The following LRRK1 variants were observed in gnomAD, a reference collection of about 807,000 sequenced individuals.
LRRK1 encodes the protein leucine-rich repeat serine/threonine-protein kinase 1.
In LRRK1, 113 loss-of-function variants were observed where a neutral mutation model predicts 209.1. That is an observed-to-expected ratio of 0.54 (90% CI 0.46 to 0.63). The LOEUF is 0.63. Ranked by LOEUF, LRRK1 falls within the 30% of genes least tolerant of loss-of-function variation. The pLI is 0.00. For missense variants in LRRK1, 2,284 were observed against 2,632.2 expected (o/e 0.87, Z 2.89); for synonymous variants, 1,144 against 1,099.7 (o/e 1.04, Z -0.80).
intron 12 of LRRK1, 93 bp downstream of exon 12, chr15:101,015,495 G>C: frequency 1.1e-6 from 1 of 932,560 alleles, no homozygotes; most frequent in Non-Finnish European, 1.7e-6. Context: ...CTTATCTTGG[G>C]CCTTCCCCTT....
chr15:100,940,688 A>ATTC (rs1466468269), intron 2 of LRRK1, among the ~76,000 whole-genome samples: 2 of 152,198 alleles, frequency 1.3e-5, no homozygotes, highest in African/African-American at 4.8e-5. Flanking sequence ...CTCTGCTAAC[A>ATTC]TTAATTCTGT....
chr15:101,051,920 G>A lies in LRRK1; in HGVS notation c.3649G>A (p.Glu1217Lys). 6.2e-7 allele frequency: 1 copy of A among 1,613,964 alleles called. No individual in the cohort carries two copies. Among genetic ancestry groups the A allele is most frequent in the Non-Finnish European group, 8.5e-7 (1 of 1,180,026 alleles). Residue 1217 changes from glutamate (E) to lysine (K), a missense_variant, in exon 24 of 34, where the codon GAG (glutamate) becomes AAG (lysine). Physicochemically the swap from Glu to Lys is moderately conservative, Grantham distance 56 (BLOSUM62 1). Coordinates refer to ENST00000388948, the MANE Select transcript of LRRK1 (RefSeq NM_024652.6). ...RHPDLPVPLQ[E>K]LVPELFMTDF... ...CCCGGACCTCCCCGTGCCGCTGCAG[G>A]AGCTGGTCCCTGAACTGTTCATGAC...
chr15:101,061,735 G>A lies in LRRK1; in HGVS notation c.4797+447G>A, dbSNP rs569374717. 2.6e-5 allele frequency among the ~76,000 whole-genome samples: 4 copies of A among 152,318 alleles called. No homozygotes were observed. The South Asian group carries it at 6.2e-4, about 24-fold the overall frequency. On this transcript the variant is annotated intron_variant, in intron 30 of 33. Transcript: ENST00000388948. ...ACACAAATGTTCTGAGGCAGGCTAGGCACAGGGGCTCACGCCTGTAATCCC... is the reference window on the plus strand; with the variant it reads ...ACACAAATGTTCTGAGGCAGGCTAGACACAGGGGCTCACGCCTGTAATCCC...
At chr15:101,058,448 G>A (rs1305571503) in intron 29 of LRRK1, among the ~76,000 whole-genome samples, 5 of 152,216 alleles carry the variant, frequency 3.3e-5, no homozygotes, top group Non-Finnish European at 5.9e-5. Flanking sequence ...TGAGGCAGGA[G>A]AATCACCTGA....
intron 20 of LRRK1, 95 bp from the exon 21 acceptor site, chr15:101,045,886 A>AC: frequency 9.4e-7 from 1 of 1,067,092 alleles, no homozygotes. Flanking sequence ...GTGTTCCAGC[A>AC]CAGCCTGTCC....
intron 27 of LRRK1, among the ~76,000 whole-genome samples, chr15:101,056,623 G>GTGGA (rs199750684): frequency 4.6e-5 from 7 of 152,138 alleles, no homozygotes; most frequent in Admixed American, 3.3e-4. Context: ...GGATGGATGG[G>GTGGA]TGGATGGATG....
chr15:100,937,899 G>T, intron 2 of LRRK1, among the ~76,000 whole-genome samples: 1 of 152,058 alleles, frequency 6.6e-6, no homozygotes, highest in East Asian at 1.9e-4. Flanking sequence ...CACCCAAGCA[G>T]GAGTGCAGTG....
intron 2 of LRRK1, among the ~76,000 whole-genome samples, chr15:100,934,309 G>A (rs2042256317): frequency 6.6e-6 from 1 of 152,148 alleles, no homozygotes; most frequent in Non-Finnish European, 1.5e-5. Context: ...TCTTTTTAAT[G>A]ACCTCTGCAT....
intron 2 of LRRK1, among the ~76,000 whole-genome samples, chr15:100,956,529 G>C (rs368064473): frequency 1.4e-5 from 2 of 140,786 alleles, no homozygotes; most frequent in African/African-American, 5.3e-5. Flanking sequence ...GCAGTGGCAC[G>C]ATCTTGGCTC....
At chr15:100,936,439 A>G (rs2042301003) in intron 2 of LRRK1, among the ~76,000 whole-genome samples, 1 of 152,254 alleles carries the variant, frequency 6.6e-6, no homozygotes, top group African/African-American at 2.4e-5. Context: ...GAACTCCACA[A>G]TGTCATCCAC....
intron 20 of LRRK1, among the ~76,000 whole-genome samples, chr15:101,039,517 C>A (rs2034643199): frequency 6.6e-6 from 1 of 152,134 alleles, no homozygotes; most frequent in African/African-American, 2.4e-5. Flanking sequence ...TCTAAGTATG[C>A]TTCTTTTTTG....
rs542565991 is a variant in LRRK1 at position 101,015,646 on chromosome 15, C to T, written c.1609+244C>T. Among the ~76,000 whole-genome samples, 127 of 142,566 alleles carry T rather than the reference C, an allele frequency of 8.9e-4. No individual in the cohort carries two copies. The Middle Eastern group carries it at 0.012, about 13-fold the overall frequency. The allele number at this position is 142,566 out of a possible 152,430, so 93.5% of individuals were successfully genotyped here. On this transcript the variant is annotated intron_variant, in intron 12 of 33. Coordinates refer to ENST00000388948, the MANE Select transcript of LRRK1 (RefSeq NM_024652.6). ...CCTGCGTGGAGGCCAGTGATGCCAG[C>T]AGCTAATATGTGCAGCTGATCTACA... is the stretch of plus-strand genomic sequence containing the variant.
At position 101,065,842 on chromosome 15, in the gene LRRK1, C is replaced by A; in HGVS notation, c.5405C>A (p.Thr1802Lys). 3 of 1,614,104 alleles carry A rather than the reference C, an allele frequency of 1.9e-6. No homozygotes were observed. Among genetic ancestry groups the A allele is most frequent in the South Asian group, 1.1e-5 (1 of 91,088 alleles). The change falls in exon 32 of 34, where the codon ACG (threonine) becomes AAG (lysine). Residue 1802 changes from threonine (T) to lysine (K), a missense_variant. Coordinates refer to ENST00000388948, the MANE Select transcript of LRRK1 (RefSeq NM_024652.6). ...ACGGAACCCCCGGCAGCCAGCCACACGGCCAACCCAAAGGTGCCTGAGGGG... is the reference window on the plus strand; with the variant it reads ...ACGGAACCCCCGGCAGCCAGCCACAAGGCCAACCCAAAGGTGCCTGAGGGG... ...LDTEPPAASH[T>K]ANPKVPEGDS...
chr15:101,001,248 T>A (rs2032670222), intron 6 of LRRK1, among the ~76,000 whole-genome samples: 1 of 152,052 alleles, frequency 6.6e-6, no homozygotes, highest in Admixed American at 6.5e-5. Flanking sequence ...TTCCCAGAGT[T>A]CTCTGGGAAC....
intron 6 of LRRK1, among the ~76,000 whole-genome samples, chr15:100,998,679 GGATA>G (rs2032541990): frequency 6.6e-6 from 1 of 152,082 alleles, no homozygotes; most frequent in Non-Finnish European, 1.5e-5. Context: ...ATAGTTGCTT[GGATA>G]GATAGATGGG....
At chr15:101,036,056 T>A (rs956704462) in intron 20 of LRRK1, among the ~76,000 whole-genome samples, 1 of 152,216 alleles carries the variant, frequency 6.6e-6, no homozygotes, top group Admixed American at 6.5e-5. Flanking sequence ...GACTATAATG[T>A]GCCATGGAGA....
intron 6 of LRRK1, among the ~76,000 whole-genome samples, chr15:100,997,113 A>G (rs1213052372): frequency 1.3e-5 from 2 of 152,074 alleles, no homozygotes; most frequent in African/African-American, 4.8e-5. Context: ...ATAGAGACAT[A>G]TATATATTTA....
chr15:101,071,956 A>C lies in LRRK1; in HGVS notation c.*3108A>C, dbSNP rs986202204. The C allele has an allele frequency of 2.6e-5, 4 of 152,264 alleles. No homozygotes were observed. The highest frequency in any genetic ancestry group is 9.7e-5 in the African/African-American group (4 of 41,450). 9.4% of individuals were successfully genotyped at this position (152,264 alleles called of 1,614,324 possible). ...CATGCAAAGACCCTGTTGTGGGTTCAAGCCACTGTGTGGGAGGGACAGGAG... is the reference window on the plus strand; with the variant it reads ...CATGCAAAGACCCTGTTGTGGGTTCCAGCCACTGTGTGGGAGGGACAGGAG... On this transcript the variant is annotated 3_prime_UTR_variant, in exon 34 of 34. Transcript: ENST00000388948.
intron 31 of LRRK1, 73 bp from the exon 32 acceptor site, chr15:101,065,279 A>G: frequency 6.5e-7 from 1 of 1,548,582 alleles, no homozygotes; most frequent in Non-Finnish European, 8.7e-7. Flanking sequence ...AGATGAGTCC[A>G]GTGCCTACTC....
Sources: allele counts gnomAD v4.1 joint callset (sites outside exome capture counted in the v4.1 genomes callset), GRCh38; gene constraint gnomAD v4.1.1; transcripts MANE v1.5; gene names NCBI Gene and HGNC (gene_info 2026-07-23, HGNC 2026-07-21).